Variants in SEMA5A observed in about 807,000 individuals in gnomAD.
The protein encoded by SEMA5A is semaphorin-5A.
Under a neutral mutation model 135.5 loss-of-function variants are expected in SEMA5A, and 55 were observed. That is an observed-to-expected ratio of 0.41 (90% CI 0.33 to 0.51). The LOEUF (loss-of-function observed/expected upper bound fraction) is 0.51. SEMA5A is among the 20% of genes least tolerant of loss of function. The probability of loss-of-function intolerance (pLI) is 0.37; values close to 1 mark genes in which losing one functional copy is unlikely to be tolerated. For missense variants in SEMA5A, 1,290 were observed against 1,419.9 expected (o/e 0.91, Z 1.47); for synonymous variants, 580 against 546.5 (o/e 1.06, Z -0.85).
At chr5:9,274,750 GAT>G (rs1180987160) in intron 5 of SEMA5A, among the ~76,000 whole-genome samples, 1 of 152,116 alleles carries the variant, frequency 6.6e-6, no homozygotes, top group Non-Finnish European at 1.5e-5. Context: ...ATAACGAAAT[GAT>G]GGCAGAAATA....
At position 9,204,331 on chromosome 5, in the gene SEMA5A, T is replaced by C. The variant is rs573206603; in HGVS notation, c.647-2091A>G. On this transcript the variant is annotated intron_variant, in intron 8 of 22. Transcript: ENST00000382496. The surrounding 1 kb of genome is among the most constrained non-coding windows in gnomAD (Gnocchi z 6.4). ...CATGCAGGAGGTCCACCAAAACTTA[T>C]CAAATACACTCACTATTACCCACTT... Among the ~76,000 whole-genome samples the C allele has an allele frequency of 6.6e-6, 1 of 152,194 alleles. No individual in the cohort carries two copies. The highest frequency in any genetic ancestry group is 2.1e-4 in the South Asian group (1 of 4,818).
intron 1 of SEMA5A, among the ~76,000 whole-genome samples, chr5:9,507,864 C>T (rs1735982448): frequency 6.6e-6 from 1 of 151,960 alleles, no homozygotes; most frequent in African/African-American, 2.4e-5. Context: ...ATTAGCCGGG[C>T]ATGGTGGCGG....
chr5:9,346,717 G>A (rs1371490229), intron 3 of SEMA5A, among the ~76,000 whole-genome samples: 1 of 152,152 alleles, frequency 6.6e-6, no homozygotes, highest in Non-Finnish European at 1.5e-5. Context: ...CAGCGTGTGT[G>A]CACTCCATTT....
intron 1 of SEMA5A, among the ~76,000 whole-genome samples, chr5:9,454,133 T>A (rs1758745894): frequency 6.6e-6 from 1 of 152,136 alleles, no homozygotes; most frequent in Non-Finnish European, 1.5e-5. Context: ...AATAGACTCC[T>A]CAGAAACACA....
At chr5:9,356,022 AG>A (rs1171123893) in intron 3 of SEMA5A, among the ~76,000 whole-genome samples, 1 of 152,188 alleles carries the variant, frequency 6.6e-6, no homozygotes, top group African/African-American at 2.4e-5. Context: ...ATCTTCATAC[AG>A]GCTTTTAAGG....
chr5:9,362,397 G>A (rs1267578166), intron 3 of SEMA5A, among the ~76,000 whole-genome samples: 3 of 151,962 alleles, frequency 2.0e-5, no homozygotes, highest in African/African-American at 7.3e-5. Context: ...CCATCAACTC[G>A]GCCTACTGTT....
At chr5:9,444,833 C>A (rs988804326) in intron 1 of SEMA5A, among the ~76,000 whole-genome samples, 2 of 152,060 alleles carry the variant, frequency 1.3e-5, no homozygotes, top group Non-Finnish European at 2.9e-5. Flanking sequence ...TAAGGATGTT[C>A]CTTTGCCTCT....
intron 16 of SEMA5A, among the ~76,000 whole-genome samples, chr5:9,103,257 G>A (rs1164005302): frequency 6.6e-6 from 1 of 152,098 alleles, no homozygotes; most frequent in Non-Finnish European, 1.5e-5. Context: ...CTTCCCCAAA[G>A]CATTCTGCAG....
chr5:9,302,234 G>T (rs1751645973), intron 5 of SEMA5A, among the ~76,000 whole-genome samples: 1 of 152,152 alleles, frequency 6.6e-6, no homozygotes, highest in Admixed American at 6.5e-5. Flanking sequence ...GTCACATTTA[G>T]AAGTTTCAGG....
At chr5:9,146,412 G>T (rs551286853) in intron 12 of SEMA5A, among the ~76,000 whole-genome samples, 1 of 152,254 alleles carries the variant, frequency 6.6e-6, no homozygotes, top group East Asian at 1.9e-4. Flanking sequence ...AATGGCTTCA[G>T]AATAACTCAA....
chr5:9,490,287 A>G (rs268469), intron 1 of SEMA5A, among the ~76,000 whole-genome samples: 147,207 of 152,184 alleles, frequency 0.97, 71,440 homozygotes, highest in Non-Finnish European at 0.99. Flanking sequence ...AAAGGCAAAC[A>G]TAATATATCT....
intron 13 of SEMA5A, among the ~76,000 whole-genome samples, chr5:9,129,545 A>G (rs1741290439): frequency 6.6e-6 from 1 of 152,248 alleles, no homozygotes; most frequent in Admixed American, 6.5e-5. Flanking sequence ...ATGAATAACA[A>G]TCTAAGTTCT....
intron 8 of SEMA5A, among the ~76,000 whole-genome samples, chr5:9,214,377 C>T (rs1237229548): frequency 1.3e-5 from 2 of 152,210 alleles, no homozygotes; most frequent in Non-Finnish European, 2.9e-5. Flanking sequence ...CATCTAGAGC[C>T]CCTGCAGAGG....
intron 13 of SEMA5A, among the ~76,000 whole-genome samples, chr5:9,134,610 G>A (rs1405512386): frequency 6.6e-6 from 1 of 152,212 alleles, no homozygotes; most frequent in South Asian, 2.1e-4. Flanking sequence ...GCTGCCTGCT[G>A]GGAAGCTCCC....
chr5:9,068,738 T>G (rs1737612365), intron 16 of SEMA5A, among the ~76,000 whole-genome samples: 1 of 152,164 alleles, frequency 6.6e-6, no homozygotes, highest in Non-Finnish European at 1.5e-5. Flanking sequence ...CTGAGGGGTC[T>G]CTGGTGTGCA....
chr5:9,351,576 A>ACATTC (rs1229751362), intron 3 of SEMA5A, among the ~76,000 whole-genome samples: 1 of 152,220 alleles, frequency 6.6e-6, no homozygotes, highest in African/African-American at 2.4e-5. Flanking sequence ...AAAATAATAG[A>ACATTC]CATTCCATTC....
At chr5:9,262,998 G>T (rs1213425241) in intron 5 of SEMA5A, among the ~76,000 whole-genome samples, 1 of 142,884 alleles carries the variant, frequency 7.0e-6, no homozygotes, top group Non-Finnish European at 1.5e-5. Flanking sequence ...AATGCCTAAG[G>T]AATTCCAAAT....
At chr5:9,052,126 G>C in intron 19 of SEMA5A, 98 bp from the exon 20 acceptor site, 1 of 1,284,426 alleles carries the variant, frequency 7.8e-7, no homozygotes, top group Non-Finnish European at 1.0e-6. Context: ...CTGGATTCCA[G>C]GATTCCATAG....
intron 12 of SEMA5A, among the ~76,000 whole-genome samples, chr5:9,151,268 T>G (rs1254373473): frequency 6.6e-6 from 1 of 152,182 alleles, no homozygotes; most frequent in African/African-American, 2.4e-5. Flanking sequence ...CTCAAGAAAA[T>G]TAAACATGTA....
Sources: allele counts gnomAD v4.1 joint callset (sites outside exome capture counted in the v4.1 genomes callset), GRCh38; gene constraint gnomAD v4.1.1; non-coding constraint Gnocchi (gnomAD v3.1); transcripts MANE v1.5; gene names NCBI Gene and HGNC (gene_info 2026-07-23, HGNC 2026-07-21).